TTLL9: variants seen among roughly 807,000 people sequenced by gnomAD.
TTLL9 encodes the protein probable tubulin polyglutamylase TTLL9.
In TTLL9, 47 loss-of-function variants were observed where a neutral mutation model predicts 65.6. The ratio of observed to expected loss-of-function variants is 0.72; its 90% CI spans 0.57 to 0.91. TTLL9 has a LOEUF of 0.91. Ranked by LOEUF, TTLL9 falls within the 40% of genes least tolerant of loss-of-function variation. The pLI, the probability that TTLL9 is intolerant of heterozygous loss-of-function variation, is 0.00. For synonymous variants in TTLL9, 179 were observed against 204.8 expected, an observed-to-expected ratio of 0.87 and a Z score of 1.07; for missense variants, 537 against 568.8, an observed-to-expected ratio of 0.94 and a Z score of 0.57.
chr20:31,928,170 A>G (rs2063942013), intron 10 of TTLL9, among the ~76,000 whole-genome samples: 1 of 152,068 alleles, frequency 6.6e-6, no homozygotes, highest in Non-Finnish European at 1.5e-5. Context: ...ATGTTTGCAC[A>G]GCTCTGGGCA....
chr20:31,929,352 TA>T (rs771209584), intron 10 of TTLL9, among the ~76,000 whole-genome samples: 4 of 152,368 alleles, frequency 2.6e-5, no homozygotes, highest in Non-Finnish European at 5.9e-5. Flanking sequence ...TATAGTTTTA[TA>T]ATAAAAGTGG....
intron 6 of TTLL9, among the ~76,000 whole-genome samples, chr20:31,916,940 C>T (rs903863427): frequency 2.6e-5 from 4 of 152,154 alleles, no homozygotes; most frequent in Non-Finnish European, 5.9e-5. Context: ...AAACCTACAT[C>T]TGGTCTTTCT....
Position 31,887,239 on chromosome 20 carries a change from G to A in TTLL9, c.113G>A (p.Arg38Gln), listed in dbSNP as rs764643577. ...KGHGLSKGKE[R>Q]EQRASIRFKT... ...CATGGATTGTCAAAGGGAAAAGAGCGGTGAGTGGTCCCATCCAATCCAACA... is the reference window on the plus strand; with the variant it reads ...CATGGATTGTCAAAGGGAAAAGAGCAGTGAGTGGTCCCATCCAATCCAACA... Residue 38 changes from arginine (R) to glutamine (Q), a missense_variant and splice_region_variant, in exon 3 of 15, where the codon CGA becomes CAA. This residue lies in a region of TTLL9 where 320 missense variants were observed against 311.0 expected (regional missense o/e 1.03). Transcript: ENST00000535842. 31 of 1,613,998 alleles carry A rather than the reference G, an allele frequency of 1.9e-5. No individual in the cohort carries two copies. The highest frequency in any genetic ancestry group is 8.3e-5 in the Admixed American group (5 of 59,992).
At chr20:31,925,145 G>A (rs2063878957) in intron 9 of TTLL9, 96 bp downstream of exon 9, 5 of 1,336,500 alleles carry the variant, frequency 3.7e-6, no homozygotes, top group Middle Eastern at 2.4e-4. Flanking sequence ...CCTTGTGTGA[G>A]CTTGTCTGGT....
intron 2 of TTLL9, among the ~76,000 whole-genome samples, chr20:31,873,384 C>T (rs575067174): frequency 6.6e-6 from 1 of 152,302 alleles, no homozygotes; most frequent in South Asian, 2.1e-4. Context: ...CGTGGTGGCT[C>T]ATGCCTGTAA....
chr20:31,911,521 G>A (rs551023726), intron 6 of TTLL9, among the ~76,000 whole-genome samples: 5 of 152,346 alleles, frequency 3.3e-5, no homozygotes, highest in Admixed American at 2.0e-4. Flanking sequence ...CGAAGCCAAG[G>A]TGTACCCAGG....
intron 4 of TTLL9, chr20:31,901,402 A>G (rs977469165): frequency 6.6e-6 from 1 of 152,250 alleles, no homozygotes; most frequent in Admixed American, 6.5e-5. Flanking sequence ...GAGACTGGGA[A>G]GGTGGAAAGA....
intron 7 of TTLL9, 73 bp downstream of exon 7, chr20:31,920,005 T>G: frequency 7.5e-7 from 1 of 1,341,964 alleles, no homozygotes; most frequent in Non-Finnish European, 1.0e-6. Flanking sequence ...CACTCCTTCC[T>G]GCAATCAAAG....
intron 5 of TTLL9, among the ~76,000 whole-genome samples, 196 bp downstream of exon 5, chr20:31,908,898 T>A (rs2063601154): frequency 6.6e-6 from 1 of 151,906 alleles, no homozygotes; most frequent in Admixed American, 6.6e-5. Context: ...GGACTGGAGG[T>A]CACAGGCTGG....
chr20:31,941,642 A>G (rs2064212831), intron 14 of TTLL9, among the ~76,000 whole-genome samples: 1 of 151,936 alleles, frequency 6.6e-6, no homozygotes, highest in Admixed American at 6.6e-5. Flanking sequence ...CACTGTAACT[A>G]ACCTCAAACT....
chr20:31,934,984 G>C, intron 12 of TTLL9, 96 bp downstream of exon 12: 1 of 1,198,306 alleles, frequency 8.3e-7, no homozygotes, highest in South Asian at 1.4e-5. Context: ...ATTCCTAGTT[G>C]TATAACCTTG....
intron 10 of TTLL9, among the ~76,000 whole-genome samples, chr20:31,929,529 T>C (rs1278778002): frequency 6.6e-6 from 1 of 152,144 alleles, no homozygotes; most frequent in African/African-American, 2.4e-5. Context: ...ATATAAATGA[T>C]CCCATTGTAT....
In TTLL9 at chr20:31,944,034, C is replaced by T. The variant is rs945096943; in HGVS notation, c.*1013C>T. 1.8e-5 allele frequency: 6 copies of T among 331,936 alleles called. No individual in the cohort carries two copies. The highest frequency in any genetic ancestry group is 1.1e-4 in the African/African-American group (5 of 46,426). 20.6% of individuals were successfully genotyped at this position (331,936 alleles called of 1,614,324 possible). On this transcript the variant is annotated 3_prime_UTR_variant, in exon 15 of 15. Coordinates refer to ENST00000535842, the MANE Select transcript of TTLL9 (RefSeq NM_001008409.5). ...TGAATCTGCCTGCCTAGGTCAAGCC[C>T]GAAGGGAAGACTTTTGGAAGGAAAA...
Position 31,934,721 on chromosome 20 carries a change from G to C in TTLL9, c.837G>C (p.Arg279=). ...GCAAGTGGACGCTGCAGCGCTTCCG[G>C]CAGTACCTGGCGTCCAAACACGGGC... ...KGCKWTLQRF[R]QYLASKHGPE... Residue 279 remains arginine, a synonymous_variant, in exon 12 of 15, where the codon CGG becomes CGC. Transcript: ENST00000535842. 6.2e-7 allele frequency: 1 copy of C among 1,612,170 alleles called. No homozygotes were observed. Among genetic ancestry groups the C allele is most frequent in the South Asian group, 1.1e-5 (1 of 90,992 alleles).
chr20:31,931,125 G>C (rs1315288641), intron 10 of TTLL9, among the ~76,000 whole-genome samples: 1 of 149,442 alleles, frequency 6.7e-6, no homozygotes, highest in East Asian at 1.9e-4. Flanking sequence ...TGTTGCCCAG[G>C]CTGGAGTGCA....
In TTLL9 at chr20:31,933,763, T is replaced by C. The variant is rs2064058391; in HGVS notation, c.749-37T>C. On this transcript the variant is annotated intron_variant, in intron 10 of 14. Transcript: ENST00000535842. Reference sequence around the variant, plus strand: ...CTTCGTGGGGCAGAGCTCACCCTTTTTGTTCACGCTGACCCTTGACCACCA... The same window carrying C: ...CTTCGTGGGGCAGAGCTCACCCTTTCTGTTCACGCTGACCCTTGACCACCA... 8 of 1,606,982 alleles carry C rather than the reference T, an allele frequency of 5.0e-6. No homozygotes were observed. The East Asian group carries it at 1.6e-4, about 31-fold the overall frequency.
intron 7 of TTLL9, among the ~76,000 whole-genome samples, chr20:31,922,325 T>A (rs1012533379): frequency 3.9e-5 from 6 of 152,174 alleles, no homozygotes; most frequent in African/African-American, 1.4e-4. Flanking sequence ...TAACTTCTTT[T>A]AAGTGTGTGG....
rs1295902113 is a variant in TTLL9, at chr20:31,891,498, CT to C, written c.113+4271del. 1.5e-3 allele frequency among the ~76,000 whole-genome samples: 211 copies of C among 145,002 alleles called. 1 individual carries two copies. The highest frequency in any genetic ancestry group is 2.1e-3 in the African/African-American group (85 of 39,784). On this transcript the variant is annotated intron_variant, in intron 3 of 14. Transcript: ENST00000535842. ...TTTTAGCTAAACCTCCTTATTTTAT[CT>C]TTTTTTTTTTTCATATTATTTGTAG...
intron 6 of TTLL9, among the ~76,000 whole-genome samples, chr20:31,914,605 A>G (rs554621402): frequency 6.6e-6 from 1 of 152,320 alleles, no homozygotes; most frequent in East Asian, 1.9e-4. Context: ...GTGAGAAAAA[A>G]TGGGGAGGGA....
Sources: allele counts gnomAD v4.1 joint callset (sites outside exome capture counted in the v4.1 genomes callset), GRCh38; gene constraint gnomAD v4.1.1; regional missense constraint gnomAD v4.1.1; transcripts MANE v1.5; gene names NCBI Gene and HGNC (gene_info 2026-07-23, HGNC 2026-07-21).